Variants in PCDHGB2 observed in about 807,000 individuals in gnomAD.
PCDHGB2 encodes the protein protocadherin gamma subfamily B, 2, also known as protocadherin gamma-B2.
A neutral mutation model predicts 59.3 loss-of-function variants in PCDHGB2; 55 were observed. The ratio of observed to expected loss-of-function variants is 0.93; its 90% CI spans 0.75 to 1.16. The LOEUF (loss-of-function observed/expected upper bound fraction) is 1.16. Among genes scored for constraint, PCDHGB2 ranks in the 50% most tolerant of loss-of-function variants. The probability of loss-of-function intolerance (pLI) is 0.00; values close to 1 mark genes in which losing one functional copy is unlikely to be tolerated. For missense variants in PCDHGB2, 1,228 were observed against 1,198.5 expected, an observed-to-expected ratio of 1.02 and a Z score of -0.36; for synonymous variants, 516 against 512.0, an observed-to-expected ratio of 1.01 and a Z score of -0.11.
chr5:141,376,321 T>A (rs764863792), intron 1 of PCDHGB2: 5 of 1,614,176 alleles, frequency 3.1e-6, no homozygotes, highest in African/African-American at 1.3e-5. Flanking sequence ...TGGAAGGGGT[T>A]CGGGCTTTCC....
intron 1 of PCDHGB2, chr5:141,478,866 C>T (rs1392885307): frequency 1.5e-6 from 2 of 1,304,352 alleles, no homozygotes; most frequent in Non-Finnish European, 2.0e-6. Flanking sequence ...TCTCAGCGAT[C>T]AGAGTTTAGC....
Position 141,489,623 on chromosome 5 carries a change from A to T in PCDHGB2, c.2422-5184A>T, listed in dbSNP as rs924162827. On this transcript the variant is annotated intron_variant, in intron 1 of 3. Coordinates refer to ENST00000522605, the MANE Select transcript of PCDHGB2 (RefSeq NM_018923.3). This position sits in a 1 kb window ranked among gnomAD's most constrained non-coding sequence, Gnocchi z 4.5. ...GAGGTAGAGATCCTGGATCTCAATG[A>T]CAACTCTCCTAGCTTTGCCACCCCT... is the stretch of plus-strand genomic sequence containing the variant. The T allele has an allele frequency of 6.2e-7, 1 of 1,614,102 alleles. No homozygotes were observed. Among genetic ancestry groups the T allele is most frequent in the Non-Finnish European group, 8.5e-7 (1 of 1,179,996 alleles).
chr5:141,414,799 G>A, intron 1 of PCDHGB2: 1 of 1,614,214 alleles, frequency 6.2e-7, no homozygotes, highest in Non-Finnish European at 8.5e-7. Context: ...CAGCGACAGC[G>A]GGGATCCTCC....
chr5:141,409,295 G>A, intron 1 of PCDHGB2: 1 of 1,613,992 alleles, frequency 6.2e-7, no homozygotes, highest in Non-Finnish European at 8.5e-7. Context: ...TCCAGGAATG[G>A]TTGTTGCCCT....
chr5:141,410,774 C>G, intron 1 of PCDHGB2: 4 of 955,126 alleles, frequency 4.2e-6, no homozygotes, highest in Non-Finnish European at 5.8e-6. Context: ...ATAGTTTTCA[C>G]TATGTATTTG....
rs780310968 is a variant in PCDHGB2 at position 141,414,168 on chromosome 5, T to G, written c.2421+51612T>G. The G allele has an allele frequency of 5.6e-6, 9 of 1,605,598 alleles. No individual in the cohort carries two copies. The African/African-American group carries it at 1.2e-4, about 21-fold the overall frequency. ...TACAAGCAGAAGATGGAGGAGCATA[T>G]CTTGCAACTGCAAAAGTGTTGATTA... On this transcript the variant is annotated intron_variant, in intron 1 of 3. Coordinates refer to ENST00000522605, the MANE Select transcript of PCDHGB2 (RefSeq NM_018923.3).
rs376721940 is a variant in PCDHGB2, at chr5:141,410,147, G to A, written c.2421+47591G>A. 18 of 1,612,952 alleles carry A rather than the reference G, an allele frequency of 1.1e-5. No homozygotes were observed. The East Asian group carries it at 3.6e-4, about 32-fold the overall frequency. ...GCGCCTGCTGGTCGCTGTGCGTGAC[G>A]GTGGACAGCCGCCACTCTCTGCCAC... On this transcript the variant is annotated intron_variant, in intron 1 of 3. Transcript: ENST00000522605.
At chr5:141,427,869 A>G in intron 1 of PCDHGB2, 3 of 1,559,604 alleles carry the variant, frequency 1.9e-6, no homozygotes, top group Non-Finnish European at 2.6e-6. Flanking sequence ...CTTCGAGCTC[A>G]CGATGCAGGC....
intron 1 of PCDHGB2, among the ~76,000 whole-genome samples, chr5:141,474,412 C>A (rs1282336092): frequency 6.6e-6 from 1 of 152,220 alleles, no homozygotes; most frequent in Non-Finnish European, 1.5e-5. Flanking sequence ...CCGGTGATGC[C>A]TAGACCATTG....
intron 1 of PCDHGB2, among the ~76,000 whole-genome samples, chr5:141,494,469 C>T (rs2099754623): frequency 6.6e-6 from 1 of 152,114 alleles, no homozygotes; most frequent in Non-Finnish European, 1.5e-5. Flanking sequence ...GCACCTCTTC[C>T]CCCAGTTCCA....
chr5:141,436,743 C>A (rs991678215), intron 1 of PCDHGB2, among the ~76,000 whole-genome samples: 3 of 152,158 alleles, frequency 2.0e-5, no homozygotes, highest in Non-Finnish European at 4.4e-5. Flanking sequence ...TTTTTGTGTG[C>A]TTCTCCATAT....
intron 1 of PCDHGB2, chr5:141,399,118 A>G: frequency 6.2e-7 from 1 of 1,613,822 alleles, no homozygotes; most frequent in Non-Finnish European, 8.5e-7. Context: ...TACAGTTGAA[A>G]TTAATATTCA....
chr5:141,403,465 G>A, intron 1 of PCDHGB2: 1 of 1,614,018 alleles, frequency 6.2e-7, no homozygotes, highest in Non-Finnish European at 8.5e-7. Context: ...AGAGCTACCA[G>A]CTCAGCCCCA....
chr5:141,405,638 CT>C lies in PCDHGB2; in HGVS notation c.2421+43083del. ...TACAGGCACGTGCCACCACGCCCGG[CT>C]AATTTTTTGTGTGTTTTTAGTAGAG... is the stretch of plus-strand genomic sequence containing the variant. On this transcript the variant is annotated intron_variant, in intron 1 of 3. Coordinates refer to ENST00000522605, the MANE Select transcript of PCDHGB2 (RefSeq NM_018923.3). 3 of 528,680 alleles carry C rather than the reference CT, an allele frequency of 5.7e-6. No individual in the cohort carries two copies. The East Asian group carries it at 9.4e-5, about 17-fold the overall frequency. 32.7% of individuals were successfully genotyped at this position (528,680 alleles called of 1,614,324 possible).
chr5:141,481,317 C>T (rs2099535550), intron 1 of PCDHGB2, among the ~76,000 whole-genome samples: 1 of 152,182 alleles, frequency 6.6e-6, no homozygotes, highest in African/African-American at 2.4e-5. Context: ...CTTCCTAAAG[C>T]ACTAGCCCCT....
chr5:141,485,899 C>A lies in PCDHGB2; in HGVS notation c.2422-8908C>A, dbSNP rs775312856. 12 of 1,614,166 alleles carry A rather than the reference C, an allele frequency of 7.4e-6. No individual in the cohort carries two copies. The highest frequency in any genetic ancestry group is 8.5e-6 in the Non-Finnish European group (10 of 1,180,032). On this transcript the variant is annotated intron_variant, in intron 1 of 3. Coordinates refer to ENST00000522605, the MANE Select transcript of PCDHGB2 (RefSeq NM_018923.3). The surrounding 1 kb of genome is among the most constrained non-coding windows in gnomAD (Gnocchi z 5.7). ...ACGTAAACGACAACGCCCCAGCCTT[C>A]CAGCAATCCAGCTACAGGATTAGTG...
At chr5:141,447,121 T>C (rs1341601610) in intron 1 of PCDHGB2, among the ~76,000 whole-genome samples, 1 of 152,104 alleles carries the variant, frequency 6.6e-6, no homozygotes, top group Non-Finnish European at 1.5e-5. Flanking sequence ...CTCCATGGAT[T>C]TTTTTGTTTG....
rs1219045744 is a variant in PCDHGB2 at position 141,476,783 on chromosome 5, G to T, written c.2422-18024G>T. The stretch of plus-strand genomic sequence containing the variant: ...GACGGCGTTGGACGGAGGGACCCCA[G>T]CTCTCTCCGCCAGCCTGCCTATTCA... On this transcript the variant is annotated intron_variant, in intron 1 of 3. Transcript: ENST00000522605. The surrounding 1 kb of genome is among the most constrained non-coding windows in gnomAD (Gnocchi z 7.6). 5 of 1,613,392 alleles carry T rather than the reference G, an allele frequency of 3.1e-6. No homozygotes were observed. The highest frequency in any genetic ancestry group is 2.7e-5 in the African/African-American group (2 of 74,930).
At chr5:141,430,682 C>A (rs2097302907) in intron 1 of PCDHGB2, 1 of 1,361,564 alleles carries the variant, frequency 7.3e-7, no homozygotes, top group South Asian at 1.7e-5. Flanking sequence ...CCAACTGTCC[C>A]ATTCTATGGG....
Sources: allele counts gnomAD v4.1 joint callset (sites outside exome capture counted in the v4.1 genomes callset), GRCh38; gene constraint gnomAD v4.1.1; non-coding constraint Gnocchi (gnomAD v3.1); transcripts MANE v1.5; gene names NCBI Gene and HGNC (gene_info 2026-07-23, HGNC 2026-07-21).